Variants in PHLPP2 observed in about 807,000 individuals in gnomAD.
The protein encoded by PHLPP2 is PH domain and leucine rich repeat protein phosphatase 2, also known as PH domain leucine-rich repeat-containing protein phosphatase 2.
PHLPP2 carries 66 observed loss-of-function variants against 124.9 expected under a neutral mutation model. That is an observed-to-expected ratio of 0.53 (90% CI 0.43 to 0.65). The LOEUF is 0.65. Among genes scored for constraint, PHLPP2 ranks in the 30% least tolerant of loss-of-function variants. PHLPP2 has a pLI of 0.00. For missense variants in PHLPP2, 1,685 were observed against 1,600.4 expected, an observed-to-expected ratio of 1.05 and a Z score of -0.90; for synonymous variants, 681 against 624.7, an observed-to-expected ratio of 1.09 and a Z score of -1.34.
chr16:71,649,760 A>C lies in PHLPP2; in HGVS notation c.3102T>G (p.Asn1034Lys). Residue 1034 changes from asparagine to lysine, a missense_variant, in exon 19 of 19, where the codon AAT becomes AAG. By Grantham distance (94) the Asn-to-Lys change is moderately conservative. Coordinates refer to ENST00000568954, the MANE Select transcript of PHLPP2 (RefSeq NM_015020.3). ...CACAAGTGCAGCCTTCCTCACCAATATTCAAATAAACTACCATCGCCCCTA... is the reference window on the plus strand; with the variant it reads ...CACAAGTGCAGCCTTCCTCACCAATCTTCAAATAAACTACCATCGCCCCTA... ...DNVGAMVVYL[N>K]IGEEGCTCEM... 6.2e-7 allele frequency: 1 copy of C among 1,614,206 alleles called. No individual in the cohort carries two copies. Among genetic ancestry groups the C allele is most frequent in the Non-Finnish European group, 8.5e-7 (1 of 1,180,030 alleles).
rs1351241941 is a variant in PHLPP2, at chr16:71,705,744, T to G, written c.285-3013A>C. On this transcript the variant is annotated intron_variant, in intron 2 of 18. Coordinates refer to ENST00000568954, the MANE Select transcript of PHLPP2 (RefSeq NM_015020.3). ...CCAGGCTGCTCTCAAACCCCTGACC[T>G]CATGATCTGCCCGCCTTGGCCTCCC... Among the ~76,000 whole-genome samples the G allele has an allele frequency of 2.0e-5, 3 of 152,150 alleles. No individual in the cohort carries two copies. In the East Asian group the frequency reaches 5.8e-4, roughly 29 times the overall value.
chr16:71,704,307 C>CAAAAAAAAAAAAAA (rs56882820), intron 2 of PHLPP2, among the ~76,000 whole-genome samples: 4 of 98,710 alleles, frequency 4.1e-5, no homozygotes, highest in Admixed American at 2.1e-4. Context: ...GACTCTGTCT[C>CAAAAAAAAAAAAAA]AAAAAAAAAA....
Position 71,672,241 on chromosome 16 carries a change from AC to A in PHLPP2, c.1532+20del, listed in dbSNP as rs776770074. The A allele has an allele frequency of 3.8e-6, 6 of 1,597,118 alleles. No homozygotes were observed. The highest frequency in any genetic ancestry group is 5.2e-6 in the Non-Finnish European group (6 of 1,164,798). On this transcript the variant is annotated intron_variant, in intron 10 of 18. Coordinates refer to ENST00000568954, the MANE Select transcript of PHLPP2 (RefSeq NM_015020.3). Reference sequence around the variant, plus strand: ...TCTTAAATAGTAAGAAGCAAGCGCCACCCTCATGAAAGACACTCACCGGGAG... The same window carrying A: ...TCTTAAATAGTAAGAAGCAAGCGCCACCTCATGAAAGACACTCACCGGGAG...
chr16:71,705,083 C>T (rs1448682718), intron 2 of PHLPP2, among the ~76,000 whole-genome samples: 1 of 152,146 alleles, frequency 6.6e-6, no homozygotes, highest in Non-Finnish European at 1.5e-5. Context: ...TAGAGATGCT[C>T]AACCATGAAA....
chr16:71,650,583 T>C (rs1047902757), intron 18 of PHLPP2, among the ~76,000 whole-genome samples: 8 of 152,208 alleles, frequency 5.3e-5, no homozygotes, highest in Non-Finnish European at 1.2e-4. Context: ...CTCTGGGGAC[T>C]GTATCAAGAA....
chr16:71,683,181 GGAAAA>G (rs890998452), intron 5 of PHLPP2, among the ~76,000 whole-genome samples: 1 of 150,826 alleles, frequency 6.6e-6, no homozygotes, highest in African/African-American at 2.4e-5. Flanking sequence ...AAAAAAAAAA[GGAAAA>G]GAAAAGTCAT....
chr16:71,655,548 G>A (rs2145308338), intron 16 of PHLPP2, 114 bp from the exon 17 acceptor site: 1 of 714,728 alleles, frequency 1.4e-6, no homozygotes, highest in East Asian at 2.7e-5. Context: ...TGTCACCCAG[G>A]CTGGAGTGCA....
chr16:71,655,910 T>A (rs1020981534), intron 16 of PHLPP2, among the ~76,000 whole-genome samples: 1 of 152,202 alleles, frequency 6.6e-6, no homozygotes, highest in South Asian at 2.1e-4. Flanking sequence ...AAAGAGCTAA[T>A]GTCCTAAGGA....
At position 71,676,518 on chromosome 16, in the gene PHLPP2, C is replaced by A; in HGVS notation, c.1400G>T (p.Cys467Phe). Reference protein sequence around the residue: ...SSLCSLEQLHCGRNQLRELTL... With the variant: ...SSLCSLEQLHFGRNQLRELTL... ...TAGCTCCCTCAGCTGATTCCGCCCA[C>A]AGTGCAGCTGTTCCAAGCTGCATAA... Residue 467 changes from cysteine to phenylalanine, a missense_variant, in exon 9 of 19, where the codon TGT becomes TTT. Physicochemically the swap from Cys to Phe is radical, Grantham distance 205. Transcript: ENST00000568954. 1 of 1,614,166 alleles carries A rather than the reference C, an allele frequency of 6.2e-7. No homozygotes were observed. Among genetic ancestry groups the A allele is most frequent in the East Asian group, 2.2e-5 (1 of 44,888 alleles).
chr16:71,654,215 A>G (rs28432080), intron 17 of PHLPP2, among the ~76,000 whole-genome samples: 1 of 149,228 alleles, frequency 6.7e-6, no homozygotes, highest in African/African-American at 2.5e-5. Flanking sequence ...AAAAAAAAAA[A>G]AAAAAAAAAA....
rs1356714770 is a variant in PHLPP2, at chr16:71,724,396, C to T, written c.-74G>A. 2 of 152,382 alleles carry T rather than the reference C, an allele frequency of 1.3e-5. No individual in the cohort carries two copies. Among genetic ancestry groups the T allele is most frequent in the Admixed American group, 6.5e-5 (1 of 15,288 alleles). The allele number at this position is 152,382 out of a possible 1,614,324, so 9.4% of individuals were successfully genotyped here. ...CCTTCTTAAGCAAATTCAACCCAAC[C>T]TCGTACAAAACGTCCGCTCACCTCC... is the stretch of plus-strand genomic sequence containing the variant. On this transcript the variant is annotated 5_prime_UTR_variant, in exon 1 of 19. Transcript: ENST00000568954.
intron 12 of PHLPP2, among the ~76,000 whole-genome samples, chr16:71,665,157 A>T (rs2044827501): frequency 3.3e-5 from 5 of 152,200 alleles, no homozygotes; most frequent in Admixed American, 1.3e-4. Flanking sequence ...AAAATACAAA[A>T]AAAAAGCTGA....
intron 4 of PHLPP2, among the ~76,000 whole-genome samples, chr16:71,689,060 T>C (rs1186281605): frequency 6.6e-6 from 1 of 152,122 alleles, no homozygotes; most frequent in African/African-American, 2.4e-5. Flanking sequence ...AGGACCCCCA[T>C]TATGAGCAGA....
At chr16:71,655,619 C>T (rs1218060299) in intron 16 of PHLPP2, among the ~76,000 whole-genome samples, 185 bp from the exon 17 acceptor site, 1 of 151,602 alleles carries the variant, frequency 6.6e-6, no homozygotes, top group African/African-American at 2.4e-5. Flanking sequence ...TCTCCTGCCT[C>T]AGCCTCCCGA....
rs2145334323 is a variant in PHLPP2, at chr16:71,676,645, T to C, written c.1273A>G (p.Asn425Asp). 1 of 1,604,746 alleles carries C rather than the reference T, an allele frequency of 6.2e-7. No homozygotes were observed. The highest frequency in any genetic ancestry group is 1.1e-5 in the South Asian group (1 of 90,878). The change falls in exon 9 of 19, where the codon AAC (asparagine) becomes GAC (aspartate). Residue 425 changes from asparagine (N) to aspartate (D), a missense_variant. Transcript: ENST00000568954. Reference protein sequence around the residue: ...NHIKHVDLRMNHLKTMVIENL... With the variant: ...NHIKHVDLRMDHLKTMVIENL... ...TCAATAACCATGGTTTTCAAATGGT[T>C]CATCCTTAATACGCAGAAACAAGAA...
chr16:71,649,324 C>T lies in PHLPP2; in HGVS notation c.3538G>A (p.Glu1180Lys), dbSNP rs2044677090. 1 of 1,613,682 alleles carries T rather than the reference C, an allele frequency of 6.2e-7. No individual in the cohort carries two copies. The highest frequency in any genetic ancestry group is 1.3e-5 in the African/African-American group (1 of 74,912). The change falls in exon 19 of 19, where the codon GAG (glutamate) becomes AAG (lysine). Residue 1180 changes from glutamate (E) to lysine (K), a missense_variant. Physicochemically the swap from Glu to Lys is moderately conservative, Grantham distance 56. Transcript: ENST00000568954. ...CTCTCTATGAGAGGGGGTGAGTTCT[C>T]CAGATCCCTCCCCCTGCAGCAGTGG... is the stretch of plus-strand genomic sequence containing the variant. ...DIHCCRGRDL[E>K]NSPPLIESSP...
intron 8 of PHLPP2, 56 bp downstream of exon 8, chr16:71,678,699 A>C (rs757046669): frequency 4.4e-6 from 4 of 898,962 alleles, no homozygotes; most frequent in Non-Finnish European, 5.6e-6. Context: ...TAAACAGAAG[A>C]CATAAAGGTC....
chr16:71,655,188 A>T, intron 17 of PHLPP2, 52 bp downstream of exon 17: 2 of 1,255,598 alleles, frequency 1.6e-6, no homozygotes, highest in Non-Finnish European at 2.3e-6. Flanking sequence ...TTAGAAAAAT[A>T]TATTTTCCAA....
At chr16:71,704,515 A>T (rs1265211015) in intron 2 of PHLPP2, among the ~76,000 whole-genome samples, 1 of 152,060 alleles carries the variant, frequency 6.6e-6, no homozygotes, top group Non-Finnish European at 1.5e-5. Context: ...AACAGAAATC[A>T]TACTGATGTA....
Sources: gnomAD v4.1 joint callset for allele counts (sites outside exome capture counted in the v4.1 genomes callset) on GRCh38, gnomAD v4.1.1 for gene constraint, MANE v1.5 for transcripts, NCBI Gene and HGNC (gene_info 2026-07-23, HGNC 2026-07-21) for gene names.